Variants in GRID1 observed in about 807,000 individuals in gnomAD.
GRID1 encodes glutamate ionotropic receptor delta type subunit 1.
Under a neutral mutation model 98.0 loss-of-function variants are expected in GRID1, and 28 were observed. The ratio of observed to expected loss-of-function variants is 0.29; its 90% CI spans 0.21 to 0.39. The LOEUF (loss-of-function observed/expected upper bound fraction) is 0.39, where lower values mean the gene tolerates loss of function less well. Ranked by LOEUF, GRID1 falls within the 10% of genes least tolerant of loss-of-function variation. GRID1 has a pLI of 1.00. For synonymous variants in GRID1, 553 were observed against 538.5 expected, an observed-to-expected ratio of 1.03 and a Z score of -0.37; for missense variants, 1,111 against 1,340.5, an observed-to-expected ratio of 0.83 and a Z score of 2.67.
At chr10:85,877,023 A>G (rs1252134977) in intron 5 of GRID1, among the ~76,000 whole-genome samples, 1 of 152,192 alleles carries the variant, frequency 6.6e-6, no homozygotes, top group African/African-American at 2.4e-5. Flanking sequence ...GCAGTCTGAG[A>G]TCAAACTGCA....
At chr10:85,754,801 T>C (rs187033704) in intron 8 of GRID1, among the ~76,000 whole-genome samples, 113 of 152,328 alleles carry the variant, frequency 7.4e-4, no homozygotes, top group African/African-American at 2.7e-3. Flanking sequence ...CTGTGTGACC[T>C]TGGGCAGGAA....
At chr10:85,891,770 G>C (rs1841203535) in intron 5 of GRID1, among the ~76,000 whole-genome samples, 1 of 152,064 alleles carries the variant, frequency 6.6e-6, no homozygotes, top group Admixed American at 6.6e-5. Context: ...GTCTTTAAAG[G>C]ACTAACAATG....
intron 6 of GRID1, among the ~76,000 whole-genome samples, chr10:85,861,931 G>T (rs1053860172): frequency 6.6e-6 from 1 of 152,214 alleles, no homozygotes; most frequent in African/African-American, 2.4e-5. Flanking sequence ...GGTAACCACT[G>T]GTTAACCTGT....
intron 8 of GRID1, among the ~76,000 whole-genome samples, chr10:85,844,420 T>TACACACAC (rs55706189): frequency 3.7e-3 from 494 of 133,848 alleles, no homozygotes; most frequent in Non-Finnish European, 4.5e-3. Context: ...TACAACTAAA[T>TACACACAC]ACACACACAC....
intron 4 of GRID1, among the ~76,000 whole-genome samples, chr10:86,022,708 A>T (rs1176875839): frequency 6.6e-6 from 1 of 152,096 alleles, no homozygotes; most frequent in Non-Finnish European, 1.5e-5. Context: ...ACCCAAGGTC[A>T]GGAGTTCGAG....
intron 15 of GRID1, among the ~76,000 whole-genome samples, chr10:85,612,167 CT>C (rs1167018714): frequency 2.0e-5 from 3 of 152,200 alleles, no homozygotes; most frequent in Non-Finnish European, 2.9e-5. Context: ...ACGCCCACCC[CT>C]GTCCTCACCC....
chr10:85,697,924 T>C (rs138344264), intron 12 of GRID1, among the ~76,000 whole-genome samples: 6 of 152,332 alleles, frequency 3.9e-5, no homozygotes, highest in African/African-American at 1.4e-4. Flanking sequence ...CTGGTCTATA[T>C]GGTCCACTTT....
intron 8 of GRID1, among the ~76,000 whole-genome samples, chr10:85,798,503 T>A (rs1842545325): frequency 6.6e-6 from 1 of 152,166 alleles, no homozygotes; most frequent in African/African-American, 2.4e-5. Flanking sequence ...TAAAATAATT[T>A]CACTTTCTAC....
intron 4 of GRID1, among the ~76,000 whole-genome samples, chr10:85,975,638 C>A (rs1842462881): frequency 8.6e-6 from 1 of 115,738 alleles, no homozygotes; most frequent in Admixed American, 1.1e-4. Context: ...AGTAAGCTAC[C>A]CCAGAACCCA....
At chr10:86,009,209 A>T (rs547719323) in intron 4 of GRID1, among the ~76,000 whole-genome samples, 65 of 152,284 alleles carry the variant, frequency 4.3e-4, no homozygotes, top group Admixed American at 3.3e-4. Context: ...CTGTGATCTC[A>T]TCCTTGCAAG....
chr10:85,885,726 T>C (rs1841107619), intron 5 of GRID1, among the ~76,000 whole-genome samples: 1 of 152,188 alleles, frequency 6.6e-6, no homozygotes, highest in African/African-American at 2.4e-5. Flanking sequence ...GAAAGATGAC[T>C]GAATACATCT....
intron 12 of GRID1, among the ~76,000 whole-genome samples, chr10:85,708,113 TAA>T (rs768805148): frequency 0.031 from 3,806 of 120,898 alleles, 118 homozygotes; most frequent in African/African-American, 0.086. Flanking sequence ...TAAAGTATAA[TAA>T]AAAAAAAAAA....
At chr10:86,097,266 G>A (rs1284197662) in intron 4 of GRID1, among the ~76,000 whole-genome samples, 2 of 152,136 alleles carry the variant, frequency 1.3e-5, no homozygotes, top group African/African-American at 4.8e-5. Context: ...TATAATAGAT[G>A]ATAGATAGAT....
chr10:86,346,124 C>T (rs1469100123), intron 2 of GRID1, among the ~76,000 whole-genome samples: 1 of 152,238 alleles, frequency 6.6e-6, no homozygotes, highest in Non-Finnish European at 1.5e-5. Context: ...CCCTGCCACA[C>T]CCAGCTAGTG....
chr10:86,179,972 C>T (rs1017130954), intron 3 of GRID1, among the ~76,000 whole-genome samples: 6 of 152,184 alleles, frequency 3.9e-5, no homozygotes, highest in Admixed American at 1.3e-4. Context: ...TCCAGAAAGA[C>T]GCAGAAGGGT....
At chr10:85,603,973 A>C (rs930879543) in intron 15 of GRID1, among the ~76,000 whole-genome samples, 3 of 152,230 alleles carry the variant, frequency 2.0e-5, no homozygotes, top group African/African-American at 7.2e-5. Flanking sequence ...CATGAATCTA[A>C]GAGCCATTCC....
chr10:86,252,115 G>T (rs1262632667), intron 2 of GRID1, among the ~76,000 whole-genome samples: 1 of 152,330 alleles, frequency 6.6e-6, no homozygotes, highest in South Asian at 2.1e-4. Context: ...ACAGAGCCCA[G>T]GTCCAGCTGA....
chr10:85,623,257 C>T (rs1441722311), intron 13 of GRID1, among the ~76,000 whole-genome samples: 1 of 152,186 alleles, frequency 6.6e-6, no homozygotes, highest in Non-Finnish European at 1.5e-5. Context: ...CAGAGCCTGT[C>T]TGAGACATAA....
chr10:85,994,913 G>C (rs1326927226), intron 4 of GRID1, among the ~76,000 whole-genome samples: 1 of 152,122 alleles, frequency 6.6e-6, no homozygotes, highest in Non-Finnish European at 1.5e-5. Flanking sequence ...ATGCCATTTG[G>C]CTTATATTTT....
Sources: allele counts gnomAD v4.1 joint callset (sites outside exome capture counted in the v4.1 genomes callset), GRCh38; gene constraint gnomAD v4.1.1; transcripts MANE v1.5; gene names NCBI Gene and HGNC (gene_info 2026-07-23, HGNC 2026-07-21).